RGMA: variants seen among roughly 807,000 people sequenced by gnomAD.
RGMA encodes the protein repulsive guidance molecule A.
A neutral mutation model predicts 23.2 loss-of-function variants in RGMA; 10 were observed. The observed-to-expected ratio is 0.43, with a 90% confidence interval of 0.27 to 0.73. RGMA has a LOEUF of 0.73. Among genes scored for constraint, RGMA ranks in the 30% least tolerant of loss-of-function variants. RGMA has a pLI of 0.20. For missense variants in RGMA, 547 were observed against 630.5 expected (o/e 0.87, Z 1.42); for synonymous variants, 308 against 279.3 (o/e 1.10, Z -1.03).
At chr15:93,055,385 C>T (rs577630899) in intron 2 of RGMA, among the ~76,000 whole-genome samples, 8 of 152,314 alleles carry the variant, frequency 5.3e-5, no homozygotes, top group East Asian at 3.9e-4. Context: ...TGGCTGGCTC[C>T]GTCCCAGGTC....
intron 2 of RGMA, among the ~76,000 whole-genome samples, chr15:93,057,565 C>CT (rs2055034517): frequency 6.6e-6 from 1 of 152,136 alleles, no homozygotes; most frequent in Non-Finnish European, 1.5e-5. Flanking sequence ...AAATAAACGT[C>CT]TGTTGCTTAA....
intron 2 of RGMA, among the ~76,000 whole-genome samples, chr15:93,067,483 G>GT (rs1265311945): frequency 6.6e-6 from 1 of 152,152 alleles, no homozygotes; most frequent in Non-Finnish European, 1.5e-5. Context: ...GGACAAAAAC[G>GT]TAAGGCCCAT....
At chr15:93,071,830 G>A (rs1895334665) in intron 2 of RGMA, among the ~76,000 whole-genome samples, 1 of 152,190 alleles carries the variant, frequency 6.6e-6, no homozygotes, top group South Asian at 2.1e-4. Flanking sequence ...GCGGCTCTAC[G>A]CCTGGCTGTG....
chr15:93,073,603 C>A lies in RGMA; in HGVS notation c.15-572G>T, dbSNP rs927554753. On this transcript the variant is annotated intron_variant, in intron 1 of 3. Coordinates refer to ENST00000329082, the MANE Select transcript of RGMA (RefSeq NM_020211.3). The stretch of plus-strand genomic sequence containing the variant: ...GCCGACCCCAAGCTTCCACCGACGC[C>A]CCCTGGCTCATCAGTCGCACTCAGA... 3.9e-6 allele frequency: 6 copies of A among 1,536,652 alleles called. No individual in the cohort carries two copies. In the African/African-American group the frequency reaches 6.8e-5, roughly 18 times the overall value.
At chr15:93,074,561 A>T (rs4778094) in intron 1 of RGMA, among the ~76,000 whole-genome samples, 93,114 of 152,114 alleles carry the variant, frequency 0.61, 29,037 homozygotes, top group East Asian at 0.96. Context: ...CTTCTTTACG[A>T]GGGGGTGTCA....
rs1045727617 is a variant in RGMA at position 93,044,573 on chromosome 15, T to C, written c.*425A>G. On this transcript the variant is annotated 3_prime_UTR_variant, in exon 4 of 4. Coordinates refer to ENST00000329082, the MANE Select transcript of RGMA (RefSeq NM_020211.3). Reference sequence around the variant, plus strand: ...TCGAGTGTGCTCTCGTGTAAGAGTGTGTGCGTGCGTGTGGCGGGCACAGGG... The same window carrying C: ...TCGAGTGTGCTCTCGTGTAAGAGTGCGTGCGTGCGTGTGGCGGGCACAGGG... The C allele has an allele frequency of 3.0e-5, 7 of 230,060 alleles. No homozygotes were observed. The highest frequency in any genetic ancestry group is 5.2e-5 in the Non-Finnish European group (6 of 116,144). The allele number at this position is 230,060 out of a possible 1,614,324, so 14.3% of individuals were successfully genotyped here. A position where few individuals can be genotyped will look rare whatever the true frequency, so the allele number is the denominator to read the frequency against.
chr15:93,077,638 G>A (rs760426890), intron 1 of RGMA, among the ~76,000 whole-genome samples: 2 of 152,222 alleles, frequency 1.3e-5, no homozygotes, highest in Non-Finnish European at 2.9e-5. Context: ...ACATAGGATC[G>A]GTTTAGGGCA....
intron 3 of RGMA, among the ~76,000 whole-genome samples, chr15:93,050,353 A>G (rs2054897650): frequency 6.6e-6 from 1 of 152,158 alleles, no homozygotes; most frequent in Admixed American, 6.5e-5. Context: ...CGACGTTCTC[A>G]CCGGGGGACC....
At chr15:93,046,411 C>T (rs75979814) in intron 3 of RGMA, among the ~76,000 whole-genome samples, 8,241 of 152,220 alleles carry the variant, frequency 0.054, 445 homozygotes, top group African/African-American at 0.14. Flanking sequence ...TTTATCCCCA[C>T]GAGACATATT....
chr15:93,083,850 A>AGCTTTGCTTCTCTTTTT (rs112090047), intron 1 of RGMA, among the ~76,000 whole-genome samples: 11 of 152,124 alleles, frequency 7.2e-5, no homozygotes, highest in African/African-American at 1.7e-4. Flanking sequence ...CCAGCCTCTA[A>AGCTTTGCTTCTCTTTTT]GCTTTGCTTC....
intron 1 of RGMA, among the ~76,000 whole-genome samples, chr15:93,084,679 A>T (rs1447340234): frequency 6.6e-6 from 1 of 151,948 alleles, no homozygotes; most frequent in Admixed American, 6.6e-5. Context: ...CACCATGTTG[A>T]CCATGCTGGT....
chr15:93,071,972 A>C (rs947212182), intron 2 of RGMA, among the ~76,000 whole-genome samples: 1 of 152,240 alleles, frequency 6.6e-6, no homozygotes, highest in African/African-American at 2.4e-5. Context: ...TTGTATTTTT[A>C]GCAAGAAAAA....
At chr15:93,087,476 A>AAAAAC (rs1555451824) in intron 1 of RGMA, among the ~76,000 whole-genome samples, 2 of 150,814 alleles carry the variant, frequency 1.3e-5, no homozygotes, top group Non-Finnish European at 3.0e-5. Flanking sequence ...AAAAAAAAAA[A>AAAAAC]AAAAAAAACC....
intron 1 of RGMA, chr15:93,073,851 C>T (rs779550018): frequency 2.3e-5 from 35 of 1,491,212 alleles, no homozygotes; most frequent in Non-Finnish European, 2.8e-5. Flanking sequence ...TGAGGGCCTG[C>T]GGGCCTAACC....
At position 93,072,948 on chromosome 15, in the gene RGMA, G is replaced by A. The variant is rs746059988; in HGVS notation, c.98C>T (p.Thr33Ile). ...AGRSALGFWP[T>I]LAFLLCSFPA... is the part of the protein sequence containing the mutation. ...GAAGCTGCAGAGAAGGAAGGCGAGGGTCGGCCAGAATCCCAGGGCTGAACG... is the reference window on the plus strand; with the variant it reads ...GAAGCTGCAGAGAAGGAAGGCGAGGATCGGCCAGAATCCCAGGGCTGAACG... Residue 33 changes from threonine to isoleucine, a missense_variant, in exon 2 of 4, where the codon ACC becomes ATC. Thr to Ile is a moderately conservative substitution (Grantham distance 89). Transcript: ENST00000329082. The A allele has an allele frequency of 6.2e-7, 1 of 1,610,926 alleles. No homozygotes were observed.
At chr15:93,047,002 G>A (rs916618209) in intron 3 of RGMA, among the ~76,000 whole-genome samples, 12 of 152,206 alleles carry the variant, frequency 7.9e-5, no homozygotes, top group South Asian at 2.1e-4. Context: ...TGCAAGGGTC[G>A]GTGACATTAC....
chr15:93,065,595 T>C, intron 2 of RGMA: 2 of 786,072 alleles, frequency 2.5e-6, no homozygotes, highest in South Asian at 2.6e-5. Flanking sequence ...CACTCCAGGA[T>C]GGTGGTGGCG....
intron 2 of RGMA, among the ~76,000 whole-genome samples, chr15:93,054,087 G>A (rs978721125): frequency 1.9e-4 from 29 of 151,972 alleles, no homozygotes; most frequent in African/African-American, 6.0e-4. Flanking sequence ...AAAATTAGCT[G>A]GGCATGGTGG....
chr15:93,061,217 C>T (rs985174396), intron 2 of RGMA, among the ~76,000 whole-genome samples: 3 of 152,216 alleles, frequency 2.0e-5, no homozygotes, highest in South Asian at 2.1e-4. Context: ...TGCAGTGGCG[C>T]GACCTTGGCT....
Sources: allele counts gnomAD v4.1 joint callset (sites outside exome capture counted in the v4.1 genomes callset), GRCh38; gene constraint gnomAD v4.1.1; transcripts MANE v1.5; gene names NCBI Gene and HGNC (gene_info 2026-07-23, HGNC 2026-07-21).